PLA1A: variants seen among roughly 807,000 people sequenced by gnomAD.
PLA1A encodes phospholipase A1 member A.
A neutral mutation model predicts 49.4 loss-of-function variants in PLA1A; 47 were observed. The observed-to-expected ratio is 0.95, with a 90% CI of 0.75 to 1.21. The LOEUF (loss-of-function observed/expected upper bound fraction) is 1.21. Among genes scored for constraint, PLA1A ranks in the 50% most tolerant of loss-of-function variants. The pLI is 0.00. For synonymous variants in PLA1A, 224 were observed against 207.9 expected, an observed-to-expected ratio of 1.08 and a Z score of -0.67; for missense variants, 561 against 563.9, an observed-to-expected ratio of 0.99 and a Z score of 0.05.
chr3:119,627,245 G>C (rs1055740013), intron 9 of PLA1A, among the ~76,000 whole-genome samples: 1 of 152,190 alleles, frequency 6.6e-6, no homozygotes, highest in African/African-American at 2.4e-5. Context: ...GAAAAACGGG[G>C]AGGTTATGTG....
intron 9 of PLA1A, among the ~76,000 whole-genome samples, chr3:119,627,723 A>G (rs914456211): frequency 2.0e-5 from 3 of 151,922 alleles, no homozygotes; most frequent in African/African-American, 4.8e-5. Context: ...AGGGCCCCAC[A>G]AGTCAAATTC....
At chr3:119,615,535 G>A (rs1038381600) in intron 5 of PLA1A, among the ~76,000 whole-genome samples, 2 of 152,140 alleles carry the variant, frequency 1.3e-5, no homozygotes, top group Non-Finnish European at 1.5e-5. Context: ...AATCTCTTTG[G>A]TTCCTTTTAG....
At position 119,626,617 on chromosome 3, in the gene PLA1A, T is replaced by C. The variant is rs929853340; in HGVS notation, c.1121+1385T>C. Among the ~76,000 whole-genome samples, 7 of 151,712 alleles carry C rather than the reference T, an allele frequency of 4.6e-5. No individual in the cohort carries two copies. The South Asian group carries it at 1.1e-3, about 23-fold the overall frequency. ...GAGTAGTTTGGAGAGCCACTGGGAGTTTTAAACAGGACAGTGATGAGATCA... is the reference window on the plus strand; with the variant it reads ...GAGTAGTTTGGAGAGCCACTGGGAGCTTTAAACAGGACAGTGATGAGATCA... On this transcript the variant is annotated intron_variant, in intron 9 of 10. Coordinates refer to ENST00000273371, the MANE Select transcript of PLA1A (RefSeq NM_015900.4).
intron 8 of PLA1A, among the ~76,000 whole-genome samples, chr3:119,622,849 C>G (rs1370605167): frequency 6.6e-6 from 1 of 152,080 alleles, no homozygotes; most frequent in Non-Finnish European, 1.5e-5. Context: ...TATTTAGAGA[C>G]AGAGTCTCGC....
rs1047434067 is a variant in PLA1A, at chr3:119,609,375, G to A, written c.454-93G>A. On this transcript the variant is annotated intron_variant, in intron 3 of 10. Coordinates refer to ENST00000273371, the MANE Select transcript of PLA1A (RefSeq NM_015900.4). The stretch of plus-strand genomic sequence containing the variant: ...GTGTGGTGGGTGTGTCATGCCCAGG[G>A]CCTCGGCTTCTGAAGCTTTGGGGGA... 106 of 819,646 alleles carry A rather than the reference G, an allele frequency of 1.3e-4. No homozygotes were observed. The Admixed American group carries it at 1.5e-3, about 12-fold the overall frequency. 50.8% of individuals were successfully genotyped at this position (819,646 alleles called of 1,614,324 possible). A position where few individuals can be genotyped will look rare whatever the true frequency, so the allele number is the denominator to read the frequency against.
At chr3:119,609,071 G>T (rs1307657903) in intron 3 of PLA1A, 124 bp downstream of exon 3, 15 of 747,196 alleles carry the variant, frequency 2.0e-5, no homozygotes, top group Non-Finnish European at 4.4e-6. Flanking sequence ...CGGTGGTCTT[G>T]GGTTCAAATC....
In PLA1A at chr3:119,606,847, C is replaced by A; in HGVS notation, c.147C>A (p.Leu49=). Residue 49 remains leucine (L), a synonymous_variant, in exon 2 of 11, where the codon CTC becomes CTA. Coordinates refer to ENST00000273371, the MANE Select transcript of PLA1A (RefSeq NM_015900.4). Reference sequence around the variant, plus strand: ...CCAACCTTTTTGAAGGCACCGATCTCAAAGTCCAGTTTCTCCTCTTTGTCC... The same window carrying A: ...CCAACCTTTTTGAAGGCACCGATCTAAAAGTCCAGTTTCTCCTCTTTGTCC... The part of the protein sequence containing the change: ...QSANLFEGTD[L]KVQFLLFVPS... 2 of 1,614,184 alleles carry A rather than the reference C, an allele frequency of 1.2e-6. No homozygotes were observed. Among genetic ancestry groups the A allele is most frequent in the Non-Finnish European group, 1.7e-6 (2 of 1,180,014 alleles).
chr3:119,609,514 T>G lies in PLA1A; in HGVS notation c.500T>G (p.Leu167Arg). ...TCAATCCACATCATTGGTGTTAGCC[T>G]GGGGGCCCACGTTGGGGGCATGGTG... ...ESSIHIIGVS[L>R]GAHVGGMVGQ... Residue 167 changes from leucine to arginine, a missense_variant, in exon 4 of 11, where the codon CTG (leucine) becomes CGG (arginine). Transcript: ENST00000273371. The G allele has an allele frequency of 6.2e-7, 1 of 1,613,414 alleles. No homozygotes were observed. The highest frequency in any genetic ancestry group is 8.5e-7 in the Non-Finnish European group (1 of 1,179,406).
chr3:119,619,463 G>C, intron 7 of PLA1A, 100 bp from the exon 8 acceptor site: 1 of 811,656 alleles, frequency 1.2e-6, no homozygotes, highest in Non-Finnish European at 2.2e-6. Context: ...GATGTCCGTG[G>C]AATAAATGGG....
intron 2 of PLA1A, among the ~76,000 whole-genome samples, chr3:119,608,095 G>C (rs2082712648): frequency 1.3e-5 from 2 of 151,926 alleles, no homozygotes; most frequent in Non-Finnish European, 2.9e-5. Context: ...CTAGCATACT[G>C]CCTGGCCCAT....
chr3:119,615,549 G>GA (rs918795917), intron 5 of PLA1A, among the ~76,000 whole-genome samples: 3 of 152,104 alleles, frequency 2.0e-5, no homozygotes, highest in South Asian at 2.1e-4. Context: ...CTTTTAGCAT[G>GA]AAAAATCCCT....
chr3:119,604,039 A>G (rs2082651453), intron 1 of PLA1A, among the ~76,000 whole-genome samples: 1 of 152,188 alleles, frequency 6.6e-6, no homozygotes. Flanking sequence ...GCAAGTTTTG[A>G]TATGTGCTGG....
At chr3:119,625,317 G>A (rs759600850) in intron 9 of PLA1A, 85 bp downstream of exon 9, 29 of 868,214 alleles carry the variant, frequency 3.3e-5, no homozygotes, top group Non-Finnish European at 5.1e-5. Flanking sequence ...CCCAGGTCAG[G>A]GACTGTGTGA....
chr3:119,625,254 T>C (rs1245704460), intron 9 of PLA1A, 22 bp downstream of exon 9: 1 of 1,449,690 alleles, frequency 6.9e-7, no homozygotes, highest in African/African-American at 1.4e-5. Flanking sequence ...TCCCACCTGG[T>C]TGACTCCTCC....
intron 6 of PLA1A, 125 bp downstream of exon 6, chr3:119,616,226 C>T: frequency 1.5e-6 from 1 of 687,466 alleles, no homozygotes; most frequent in South Asian, 1.6e-5. Context: ...TTGCTATGTC[C>T]CATAACGCTT....
chr3:119,620,215 T>C (rs533505843), intron 8 of PLA1A: 2 of 453,014 alleles, frequency 4.4e-6, no homozygotes, highest in African/African-American at 4.0e-5. Flanking sequence ...ACCGTCATCC[T>C]TCCCTATGCT....
intron 2 of PLA1A, among the ~76,000 whole-genome samples, chr3:119,608,288 GAAAGAAAGAAAA>G (rs2082720765): frequency 1.4e-5 from 2 of 144,834 alleles, no homozygotes; most frequent in Non-Finnish European, 3.1e-5. Context: ...AAGAAAGAAA[GAAAGAAAGAAAA>G]AGAAAATGTC....
chr3:119,623,036 C>T (rs915891071), intron 8 of PLA1A, among the ~76,000 whole-genome samples: 3 of 152,168 alleles, frequency 2.0e-5, no homozygotes, highest in African/African-American at 4.8e-5. Context: ...ACCATGTTGG[C>T]CAGGCTGGTC....
chr3:119,608,230 G>A (rs201471115), intron 2 of PLA1A, among the ~76,000 whole-genome samples: 2,842 of 73,736 alleles, frequency 0.039, 36 homozygotes, highest in Non-Finnish European at 0.046. Context: ...AAGAAAGAGA[G>A]AGAAAGAAAG....
Sources: gnomAD v4.1 joint callset for allele counts (sites outside exome capture counted in the v4.1 genomes callset) on GRCh38, gnomAD v4.1.1 for gene constraint, MANE v1.5 for transcripts, NCBI Gene and HGNC (gene_info 2026-07-23, HGNC 2026-07-21) for gene names.